FGF14: variants seen among roughly 807,000 people sequenced by gnomAD.
FGF14 encodes the protein fibroblast growth factor homologous factor 4.
In FGF14, 5 loss-of-function variants were observed where a neutral mutation model predicts 25.5. The ratio of observed to expected loss-of-function variants is 0.20; its 90% CI spans 0.10 to 0.41. The LOEUF (loss-of-function observed/expected upper bound fraction) is 0.41. Ranked by LOEUF, FGF14 falls within the 10% of genes least tolerant of loss-of-function variation. FGF14 has a pLI of 1.00. For missense variants in FGF14, 222 were observed against 320.1 expected, an observed-to-expected ratio of 0.69 and a Z score of 2.34; for synonymous variants, 138 against 118.3, an observed-to-expected ratio of 1.17 and a Z score of -1.08.
chr13:102,018,519 C>T (rs141532326), intron 1 of FGF14, among the ~76,000 whole-genome samples: 81 of 152,208 alleles, frequency 5.3e-4, no homozygotes, highest in African/African-American at 1.9e-3. Flanking sequence ...CAAAGTATGA[C>T]CCTGAAAGGT....
intron 1 of FGF14, among the ~76,000 whole-genome samples, chr13:102,362,807 GA>G (rs34997835): frequency 0.38 from 57,705 of 150,990 alleles, 13,818 homozygotes; most frequent in African/African-American, 0.68. Context: ...TACAAGTATA[GA>G]AAAAAAAATC....
At chr13:102,093,375 C>T (rs34447108) in intron 1 of FGF14, among the ~76,000 whole-genome samples, 2,393 of 152,226 alleles carry the variant, frequency 0.016, 30 homozygotes, top group Non-Finnish European at 0.025. Context: ...TATAAACACA[C>T]ATAAAGATGC....
At chr13:102,065,439 A>G (rs1413495682) in intron 1 of FGF14, among the ~76,000 whole-genome samples, 1 of 152,112 alleles carries the variant, frequency 6.6e-6, no homozygotes, top group Admixed American at 6.5e-5. Context: ...AAACACTCCA[A>G]GATATTTCTG....
At chr13:101,789,984 T>C (rs2040140080) in intron 3 of FGF14, among the ~76,000 whole-genome samples, 1 of 151,840 alleles carries the variant, frequency 6.6e-6, no homozygotes, top group South Asian at 2.1e-4. Flanking sequence ...AGGCTTCTTC[T>C]CCTTGCTTTT....
intron 1 of FGF14, among the ~76,000 whole-genome samples, chr13:102,275,754 A>G (rs2053506129): frequency 6.6e-6 from 1 of 152,148 alleles, no homozygotes; most frequent in Non-Finnish European, 1.5e-5. Flanking sequence ...CTTCTTTCCA[A>G]TTGTCACCTC....
chr13:102,355,060 G>A (rs2057384091), intron 1 of FGF14, among the ~76,000 whole-genome samples: 1 of 152,046 alleles, frequency 6.6e-6, no homozygotes, highest in Non-Finnish European at 1.5e-5. Context: ...AGTCTTCAGG[G>A]AAAAAGGTAC....
At chr13:101,970,630 G>A (rs1406767475) in intron 1 of FGF14, among the ~76,000 whole-genome samples, 1 of 152,134 alleles carries the variant, frequency 6.6e-6, no homozygotes, top group Non-Finnish European at 1.5e-5. Flanking sequence ...CTCCATGTCT[G>A]ACTGTAAGGA....
intron 1 of FGF14, among the ~76,000 whole-genome samples, chr13:101,970,411 T>C (rs1034551117): frequency 2.2e-4 from 33 of 152,186 alleles, no homozygotes; most frequent in African/African-American, 8.0e-4. Context: ...ATCCCCTGAG[T>C]GACTTTTCAG....
intron 1 of FGF14, among the ~76,000 whole-genome samples, chr13:102,055,368 G>A (rs764050984): frequency 2.6e-5 from 4 of 152,122 alleles, no homozygotes; most frequent in Non-Finnish European, 4.4e-5. Context: ...CTTTCCTCTA[G>A]AGGGATTAAT....
chr13:101,952,033 T>C (rs1272160567), intron 1 of FGF14, among the ~76,000 whole-genome samples: 1 of 152,234 alleles, frequency 6.6e-6, no homozygotes, highest in African/African-American at 2.4e-5. Context: ...TGTGATACAA[T>C]TTATTTAATT....
intron 1 of FGF14, among the ~76,000 whole-genome samples, chr13:102,358,301 A>G (rs1320315899): frequency 2.0e-5 from 3 of 152,196 alleles, no homozygotes; most frequent in Non-Finnish European, 4.4e-5. Flanking sequence ...ACCTTCACTG[A>G]GGGCCATTTT....
chr13:102,352,640 G>A (rs2057318440), intron 1 of FGF14, among the ~76,000 whole-genome samples: 4 of 152,050 alleles, frequency 2.6e-5, no homozygotes, highest in Admixed American at 2.0e-4. Context: ...ATGAAACCCC[G>A]TCTGTACTAA....
At chr13:101,812,290 A>G (rs1384279965) in intron 3 of FGF14, among the ~76,000 whole-genome samples, 2 of 152,090 alleles carry the variant, frequency 1.3e-5, no homozygotes, top group Non-Finnish European at 2.9e-5. Context: ...AGATGTTCTG[A>G]GGACCATAGA....
At chr13:102,178,904 T>C (rs910566346) in intron 1 of FGF14, among the ~76,000 whole-genome samples, 3 of 152,280 alleles carry the variant, frequency 2.0e-5, no homozygotes, top group South Asian at 2.1e-4. Context: ...TATTCACTTT[T>C]GTAATCATGG....
intron 1 of FGF14, among the ~76,000 whole-genome samples, chr13:101,893,201 G>C (rs2030031164): frequency 6.6e-6 from 1 of 152,128 alleles, no homozygotes; most frequent in Admixed American, 6.6e-5. Flanking sequence ...GCCAGTCTCT[G>C]CATCTTTTCA....
At chr13:102,081,537 C>A (rs534117081) in intron 1 of FGF14, among the ~76,000 whole-genome samples, 1 of 152,106 alleles carries the variant, frequency 6.6e-6, no homozygotes, top group Non-Finnish European at 1.5e-5. Context: ...TATTCTCTAT[C>A]ATTTCCTGAA....
chr13:102,123,573 T>C lies in FGF14; in HGVS notation c.209-248277A>G, dbSNP rs985064170. Among the ~76,000 whole-genome samples, 79 of 142,968 alleles carry C rather than the reference T, an allele frequency of 5.5e-4. 1 individual carries two copies. Among genetic ancestry groups the C allele is most frequent in the Non-Finnish European group, 2.1e-4 (14 of 66,494 alleles). The allele number at this position is 142,968 out of a possible 152,430, so 93.8% of individuals were successfully genotyped here. A position where few individuals can be genotyped will look rare whatever the true frequency, so the allele number is the denominator to read the frequency against. ...TTGAACCCAGGTGATCAAAATGTTA[T>C]ACAGTTTTCCAAATTCAAACACTAT... is the stretch of plus-strand genomic sequence containing the variant. On this transcript the variant is annotated intron_variant, in intron 1 of 4. Coordinates refer to the FGF14 transcript ENST00000376131.
chr13:101,827,158 TAG>T (rs1045500179), intron 3 of FGF14, among the ~76,000 whole-genome samples: 11 of 151,996 alleles, frequency 7.2e-5, no homozygotes, highest in African/African-American at 2.7e-4. Context: ...TGCAAACTTT[TAG>T]AGAGTTAATG....
intron 1 of FGF14, among the ~76,000 whole-genome samples, chr13:102,195,625 A>G (rs1860574006): frequency 6.6e-6 from 1 of 152,026 alleles, no homozygotes; most frequent in Admixed American, 6.6e-5. Context: ...GTGCCTGGAC[A>G]ACATGGTGAA....
Sources: allele counts gnomAD v4.1 joint callset (sites outside exome capture counted in the v4.1 genomes callset), GRCh38; gene constraint gnomAD v4.1.1; transcripts MANE v1.5; gene names NCBI Gene and HGNC (gene_info 2026-07-23, HGNC 2026-07-21).